Variants in ATP11B observed in about 807,000 individuals in gnomAD.
ATP11B encodes ATPase phospholipid transporting 11B (putative).
Under a neutral mutation model 157.8 loss-of-function variants are expected in ATP11B, and 81 were observed. The observed-to-expected ratio is 0.51, with a 90% CI of 0.43 to 0.62. ATP11B has a LOEUF of 0.62. ATP11B is among the 20% of genes least tolerant of loss of function. The pLI is 0.00. For missense variants in ATP11B, 1,165 were observed against 1,402.2 expected, an observed-to-expected ratio of 0.83 and a Z score of 2.70; for synonymous variants, 451 against 469.4, an observed-to-expected ratio of 0.96 and a Z score of 0.51.
chr3:182,912,946 T>G (rs892659578), intron 28 of ATP11B, among the ~76,000 whole-genome samples: 15 of 152,158 alleles, frequency 9.9e-5, no homozygotes, highest in Admixed American at 4.6e-4. Context: ...TTTCGGAGCA[T>G]CTTTGACAAA....
intron 18 of ATP11B, 80 bp from the exon 19 acceptor site, chr3:182,873,732 C>T (rs1721832355): frequency 5.1e-6 from 6 of 1,168,904 alleles, no homozygotes; most frequent in South Asian, 1.4e-5. Context: ...TAGAATTATC[C>T]TTAAATATAC....
intron 4 of ATP11B, among the ~76,000 whole-genome samples, chr3:182,832,658 G>C (rs1718241508): frequency 6.6e-6 from 1 of 152,134 alleles, no homozygotes; most frequent in Admixed American, 6.6e-5. Context: ...TAATATGAAT[G>C]AGGTTGTCAG....
intron 19 of ATP11B, 54 bp from the exon 20 acceptor site, chr3:182,879,441 TA>T: frequency 6.8e-7 from 1 of 1,478,476 alleles, no homozygotes; most frequent in Non-Finnish European, 9.1e-7. Flanking sequence ...TATATGAGTG[TA>T]AATAATATGG....
intron 20 of ATP11B, 68 bp from the exon 21 acceptor site, chr3:182,880,811 T>A (rs762962770): frequency 3.0e-5 from 27 of 908,016 alleles, no homozygotes; most frequent in Non-Finnish European, 4.5e-5. Context: ...TCATTTCAGA[T>A]AAATGACTAT....
chr3:182,920,341 A>AAAT lies in ATP11B; in HGVS notation c.*2238_*2240dup, dbSNP rs1725393103. The AAAT allele has an allele frequency of 6.6e-6, 1 of 152,242 alleles. No individual in the cohort carries two copies. The highest frequency in any genetic ancestry group is 1.9e-4 in the East Asian group (1 of 5,206). The allele number at this position is 152,242 out of a possible 1,614,324, so 9.4% of individuals were successfully genotyped here. A position where few individuals can be genotyped will look rare whatever the true frequency, so the allele number is the denominator to read the frequency against. ...CCAAATCCACTCCGTTTTTAAAGCA[A>AAAT]AATTATCTTGTGATTTTAAGAAAAG... On this transcript the variant is annotated 3_prime_UTR_variant, in exon 30 of 30. Transcript: ENST00000323116.
chr3:182,837,317 A>C, intron 7 of ATP11B, 143 bp downstream of exon 7: 1 of 573,102 alleles, frequency 1.7e-6, no homozygotes, highest in Non-Finnish European at 3.0e-6. Flanking sequence ...ATTAATGGTG[A>C]AAAAAACTAA....
Position 182,867,406 on chromosome 3 carries a change from A to T in ATP11B, c.1650A>T (p.Glu550Asp). 6.2e-7 allele frequency: 1 copy of T among 1,611,398 alleles called. No individual in the cohort carries two copies. The highest frequency in any genetic ancestry group is 8.5e-7 in the Non-Finnish European group (1 of 1,177,788). ...GTATTGTGTTTATTGGCAATTCTGA[A>T]GAAACTATGGAGGTTAAAACTCTTG... is the stretch of plus-strand genomic sequence containing the variant. ...RIGIVFIGNS[E>D]ETMEVKTLGK... The change falls in exon 15 of 30, where the codon GAA (glutamate) becomes GAT (aspartate). Residue 550 changes from glutamate (E) to aspartate (D), a missense_variant. Transcript: ENST00000323116.
intron 25 of ATP11B, among the ~76,000 whole-genome samples, chr3:182,896,238 T>A (rs534276794): frequency 2.6e-5 from 4 of 152,332 alleles, no homozygotes; most frequent in South Asian, 4.1e-4. Context: ...TCCTTTCAGA[T>A]ACAGGTTTTA....
intron 10 of ATP11B, among the ~76,000 whole-genome samples, chr3:182,849,652 C>T (rs1350027167): frequency 6.6e-6 from 1 of 152,100 alleles, no homozygotes; most frequent in Non-Finnish European, 1.5e-5. Flanking sequence ...CAACACCAGA[C>T]TGAATAAATC....
At chr3:182,830,090 TAC>T (rs1251126376) in intron 4 of ATP11B, 3 of 387,420 alleles carry the variant, frequency 7.7e-6, no homozygotes, top group African/African-American at 6.6e-5. Context: ...TTAAAGGAAA[TAC>T]AATTCAAAAG....
chr3:182,804,628 T>C (rs143555719), intron 1 of ATP11B, among the ~76,000 whole-genome samples: 1 of 152,216 alleles, frequency 6.6e-6, no homozygotes, highest in African/African-American at 2.4e-5. Flanking sequence ...TTTATTGAGA[T>C]ACAACTCACA....
chr3:182,859,497 C>A, intron 12 of ATP11B, 138 bp downstream of exon 12: 1 of 586,792 alleles, frequency 1.7e-6, no homozygotes, highest in Non-Finnish European at 2.7e-6. Context: ...TAGCTGTTCC[C>A]AATTTTTAAA....
rs144332460 is a variant in ATP11B at position 182,863,705 on chromosome 3, TTA to T, written c.1201-1736_1201-1735del. Reference sequence around the variant, plus strand: ...AGTTAAAAGATTAAACTTCTTGATTTTATATATATATATATACTTTTAAATCA... The same window carrying T: ...AGTTAAAAGATTAAACTTCTTGATTTTATATATATATATACTTTTAAATCA... On this transcript the variant is annotated intron_variant, in intron 12 of 29. Coordinates refer to ENST00000323116, the MANE Select transcript of ATP11B (RefSeq NM_014616.3). Among the ~76,000 whole-genome samples the T allele has an allele frequency of 3.8e-3, 570 of 150,236 alleles. 6 individuals are homozygous for T. Among genetic ancestry groups the T allele is most frequent in the Non-Finnish European group, 3.7e-3 (251 of 67,374 alleles).
chr3:182,802,345 A>G (rs1400833119), intron 1 of ATP11B, among the ~76,000 whole-genome samples: 1 of 152,188 alleles, frequency 6.6e-6, no homozygotes, highest in Non-Finnish European at 1.5e-5. Flanking sequence ...GTTAGATCAT[A>G]TAATTCCTCT....
intron 1 of ATP11B, among the ~76,000 whole-genome samples, chr3:182,805,922 T>C (rs1347237240): frequency 6.6e-6 from 1 of 152,236 alleles, no homozygotes; most frequent in Admixed American, 6.5e-5. Context: ...CTCAATGTTT[T>C]TTAGCATTAG....
At chr3:182,851,965 AG>A (rs1168334353) in intron 10 of ATP11B, among the ~76,000 whole-genome samples, 1 of 152,220 alleles carries the variant, frequency 6.6e-6, no homozygotes, top group Non-Finnish European at 1.5e-5. Context: ...GTATATTGTA[AG>A]CCTATGAAAA....
intron 10 of ATP11B, among the ~76,000 whole-genome samples, chr3:182,849,811 A>G (rs1044603320): frequency 2.0e-5 from 3 of 152,142 alleles, no homozygotes; most frequent in Non-Finnish European, 2.9e-5. Context: ...AAAAGAGAAA[A>G]AAGGACAGAA....
intron 21 of ATP11B, among the ~76,000 whole-genome samples, chr3:182,882,484 T>A (rs1474012498): frequency 2.7e-5 from 4 of 150,924 alleles, no homozygotes; most frequent in Admixed American, 1.3e-4. Context: ...AGAAAAAAAA[T>A]GGATAAAACT....
intron 1 of ATP11B, among the ~76,000 whole-genome samples, chr3:182,799,529 C>A (rs567892640): frequency 2.6e-5 from 4 of 152,222 alleles, no homozygotes; most frequent in African/African-American, 9.6e-5. Context: ...CCCGCCTCGG[C>A]CTCCGGAAGT....
Sources: allele counts gnomAD v4.1 joint callset (sites outside exome capture counted in the v4.1 genomes callset), GRCh38; gene constraint gnomAD v4.1.1; transcripts MANE v1.5; gene names NCBI Gene and HGNC (gene_info 2026-07-23, HGNC 2026-07-21).